RSU1: variants seen among roughly 807,000 people sequenced by gnomAD.
RSU1 encodes Ras suppressor protein 1, also known as rsu-1.
A neutral mutation model predicts 31.1 loss-of-function variants in RSU1; 26 were observed. The observed-to-expected ratio is 0.84, with a 90% confidence interval of 0.61 to 1.16. The LOEUF (loss-of-function observed/expected upper bound fraction) is 1.16. Among genes scored for constraint, RSU1 ranks in the 50% most tolerant of loss-of-function variants. The pLI is 0.00. For missense variants in RSU1, 320 were observed against 339.1 expected, an observed-to-expected ratio of 0.94 and a Z score of 0.44; for synonymous variants, 164 against 136.3, an observed-to-expected ratio of 1.20 and a Z score of -1.41.
At chr10:16,641,660 CCAA>C (rs1276799967) in intron 8 of RSU1, among the ~76,000 whole-genome samples, 1 of 152,144 alleles carries the variant, frequency 6.6e-6, no homozygotes, top group Non-Finnish European at 1.5e-5. Flanking sequence ...ATTTCCATTG[CCAA>C]CAACAGCCCC....
chr10:16,690,909 G>A (rs931271330), intron 8 of RSU1, among the ~76,000 whole-genome samples: 1 of 152,122 alleles, frequency 6.6e-6, no homozygotes, highest in African/African-American at 2.4e-5. Flanking sequence ...GTAGTTTAAA[G>A]ATAGACAAAT....
rs1452829458 is a variant in RSU1, at chr10:16,695,050, T to G, written c.704A>C (p.Glu235Ala). The G allele has an allele frequency of 6.2e-7, 1 of 1,610,024 alleles. No homozygotes were observed. The highest frequency in any genetic ancestry group is 8.5e-7 in the Non-Finnish European group (1 of 1,178,100). ...TTTGTATGTCTCAGAACGGATATACTCAAAAACATGGGACACGCCAAGCTG... is the reference window on the plus strand; with the variant it reads ...TTTGTATGTCTCAGAACGGATATACGCAAAAACATGGGACACGCCAAGCTG... Reference protein sequence around the residue: ...QFQLGVSHVFEYIRSETYKYL... With the variant: ...QFQLGVSHVFAYIRSETYKYL... Residue 235 changes from glutamate (E) to alanine (A), a missense_variant, in exon 8 of 9, where the codon GAG (glutamate) becomes GCG (alanine). Coordinates refer to ENST00000345264, the MANE Select transcript of RSU1 (RefSeq NM_012425.4).
At chr10:16,636,499 T>A (rs1310319685) in intron 8 of RSU1, among the ~76,000 whole-genome samples, 2 of 152,252 alleles carry the variant, frequency 1.3e-5, no homozygotes, top group East Asian at 1.9e-4. Flanking sequence ...TTTCAGCTCT[T>A]GCCTGGATGA....
At chr10:16,799,590 C>G (rs1164008055) in intron 2 of RSU1, among the ~76,000 whole-genome samples, 2 of 152,016 alleles carry the variant, frequency 1.3e-5, no homozygotes, top group African/African-American at 4.8e-5. Context: ...TGAGTTTTAC[C>G]TCTAAGAGCC....
chr10:16,742,308 G>C (rs1836770423), intron 7 of RSU1, among the ~76,000 whole-genome samples: 1 of 152,146 alleles, frequency 6.6e-6, no homozygotes, highest in African/African-American at 2.4e-5. Context: ...ATATAAATAT[G>C]AAAGACTGAT....
intron 8 of RSU1, among the ~76,000 whole-genome samples, chr10:16,618,116 G>A (rs2131475434): frequency 6.6e-6 from 1 of 152,226 alleles, no homozygotes; most frequent in South Asian, 2.1e-4. Context: ...AATCTACAAG[G>A]AACTTAAGTA....
At chr10:16,698,352 A>C (rs1835723357) in intron 7 of RSU1, among the ~76,000 whole-genome samples, 1 of 152,108 alleles carries the variant, frequency 6.6e-6, no homozygotes, top group African/African-American at 2.4e-5. Context: ...CTTAAGGAAT[A>C]GGGACGTATT....
At position 16,695,160 on chromosome 10, in the gene RSU1, G is replaced by GT. The variant is rs767958370; in HGVS notation, c.599-6_599-5insA. The GT allele has an allele frequency of 1.8e-5, 27 of 1,476,266 alleles. 3 individuals are homozygous for GT. In the East Asian group the frequency reaches 2.0e-4, roughly 11 times the overall value. The allele number at this position is 1,476,266 out of a possible 1,614,324, so 91.4% of individuals were successfully genotyped here. On this transcript the variant is annotated splice_polypyrimidine_tract_variant and splice_region_variant and intron_variant, in intron 7 of 8. Coordinates refer to ENST00000345264, the MANE Select transcript of RSU1 (RefSeq NM_012425.4). ...GGCCAGTTAAATCCAAGTTTCCTGG[G>GT]GGGGGGGAAAAAAAAAGTGAAGGTC...
chr10:16,635,229 G>C (rs1034751667), intron 8 of RSU1, among the ~76,000 whole-genome samples: 2 of 152,208 alleles, frequency 1.3e-5, no homozygotes, highest in Non-Finnish European at 2.9e-5. Context: ...ATGCAGCAAT[G>C]AGAAGAGAAA....
chr10:16,651,874 G>A (rs1834689756), intron 8 of RSU1, among the ~76,000 whole-genome samples: 1 of 152,122 alleles, frequency 6.6e-6, no homozygotes, highest in African/African-American at 2.4e-5. Context: ...CTATGTGTTT[G>A]CCAAGAGGAA....
At chr10:16,613,730 T>C (rs1471647695) in intron 8 of RSU1, among the ~76,000 whole-genome samples, 4 of 152,046 alleles carry the variant, frequency 2.6e-5, no homozygotes, top group Non-Finnish European at 4.4e-5. Flanking sequence ...TCTGTTACTA[T>C]ACTTTCCTCC....
intron 7 of RSU1, among the ~76,000 whole-genome samples, chr10:16,733,227 A>C (rs1176721067): frequency 6.6e-6 from 1 of 151,538 alleles, no homozygotes; most frequent in Non-Finnish European, 1.5e-5. Flanking sequence ...ATGGTGGCTC[A>C]TGCCTGTAAT....
chr10:16,598,972 T>G (rs1833667837), intron 8 of RSU1, among the ~76,000 whole-genome samples: 1 of 152,174 alleles, frequency 6.6e-6, no homozygotes, highest in Admixed American at 6.5e-5. Flanking sequence ...AGGCAAGGTG[T>G]GTCCCAAAGG....
chr10:16,701,248 T>C (rs74125839), intron 7 of RSU1, among the ~76,000 whole-genome samples: 2,863 of 152,318 alleles, frequency 0.019, 88 homozygotes, highest in African/African-American at 0.061. Flanking sequence ...TACAAAACAG[T>C]ATCCTTTAAT....
chr10:16,621,806 G>C (rs1448941059), intron 8 of RSU1, among the ~76,000 whole-genome samples: 1 of 152,172 alleles, frequency 6.6e-6, no homozygotes, highest in African/African-American at 2.4e-5. Context: ...ACGACACATG[G>C]GGATTATGGG....
intron 8 of RSU1, among the ~76,000 whole-genome samples, chr10:16,693,573 T>G (rs1235308461): frequency 4.6e-5 from 7 of 152,170 alleles, no homozygotes; most frequent in African/African-American, 1.7e-4. Flanking sequence ...TTCTCAAAAG[T>G]TGGTGCCAGG....
chr10:16,639,883 T>C (rs1304240725), intron 8 of RSU1, among the ~76,000 whole-genome samples: 1 of 152,258 alleles, frequency 6.6e-6, no homozygotes. Context: ...AGCCAGCTCA[T>C]GTTTTATCTC....
chr10:16,714,443 C>G (rs545592007), intron 7 of RSU1, among the ~76,000 whole-genome samples: 5 of 152,192 alleles, frequency 3.3e-5, no homozygotes, highest in Non-Finnish European at 7.3e-5. Flanking sequence ...CTTTGGGTGT[C>G]TGTATGCGGG....
At chr10:16,625,538 C>A (rs1469901118) in intron 8 of RSU1, among the ~76,000 whole-genome samples, 9 of 152,200 alleles carry the variant, frequency 5.9e-5, no homozygotes, top group Admixed American at 5.9e-4. Flanking sequence ...TGTACAGAAG[C>A]ATCAACCATG....
Sources: gnomAD v4.1 joint callset for allele counts (sites outside exome capture counted in the v4.1 genomes callset) on GRCh38, gnomAD v4.1.1 for gene constraint, MANE v1.5 for transcripts, NCBI Gene and HGNC (gene_info 2026-07-23, HGNC 2026-07-21) for gene names.